PLXNA4: variants seen among roughly 807,000 people sequenced by gnomAD.
The protein encoded by PLXNA4 is plexin-A4.
A neutral mutation model predicts 191.8 loss-of-function variants in PLXNA4; 44 were observed. The observed-to-expected ratio is 0.23, with a 90% CI of 0.18 to 0.29. The LOEUF is 0.29. Among genes scored for constraint, PLXNA4 ranks in the 10% least tolerant of loss-of-function variants. PLXNA4 has a pLI of 1.00. For synonymous variants in PLXNA4, 1,082 were observed against 1,009.5 expected, an observed-to-expected ratio of 1.07 and a Z score of -1.36; for missense variants, 1,800 against 2,488.8, an observed-to-expected ratio of 0.72 and a Z score of 5.89.
intron 2 of PLXNA4, among the ~76,000 whole-genome samples, chr7:132,506,929 A>G (rs943229642): frequency 1.3e-5 from 2 of 152,260 alleles, no homozygotes; most frequent in East Asian, 1.9e-4. Context: ...TGCTTTCTCT[A>G]TGTGTTCACT....
chr7:132,164,719 G>A (rs1302019943), intron 23 of PLXNA4, among the ~76,000 whole-genome samples: 1 of 152,256 alleles, frequency 6.6e-6, no homozygotes, highest in Admixed American at 6.5e-5. Flanking sequence ...CCTCCCAGGC[G>A]CATCCTTGGC....
At chr7:132,469,136 A>C (rs868568849) in intron 3 of PLXNA4, among the ~76,000 whole-genome samples, 2 of 49,880 alleles carry the variant, frequency 4.0e-5, no homozygotes, top group African/African-American at 6.5e-5. Context: ...AAAAAAAAAA[A>C]AAAGAAAGAA....
At chr7:132,140,853 A>G (rs1446824863) in intron 29 of PLXNA4, 42 bp from the exon 30 acceptor site, 3 of 1,609,430 alleles carry the variant, frequency 1.9e-6, no homozygotes, top group Non-Finnish European at 2.5e-6. Context: ...AAGACGGGGC[A>G]GTGGGGCTGT....
At chr7:132,326,386 C>T (rs1360791905) in intron 3 of PLXNA4, among the ~76,000 whole-genome samples, 1 of 152,240 alleles carries the variant, frequency 6.6e-6, no homozygotes, top group East Asian at 1.9e-4. Context: ...CACCATCCTA[C>T]TGTTCCTGGG....
chr7:132,314,742 C>T (rs1801879773), intron 3 of PLXNA4, among the ~76,000 whole-genome samples: 1 of 152,212 alleles, frequency 6.6e-6, no homozygotes, highest in African/African-American at 2.4e-5. Flanking sequence ...ACTGGACTTC[C>T]AGCCACTTTA....
intron 2 of PLXNA4, among the ~76,000 whole-genome samples, chr7:132,593,676 C>G (rs1164082936): frequency 6.6e-6 from 1 of 152,238 alleles, no homozygotes; most frequent in Non-Finnish European, 1.5e-5. Context: ...GGCAGCAGGT[C>G]TCACTGGCTC....
At chr7:132,535,735 GC>G (rs1319055571) in intron 1 of PLXNA4, among the ~76,000 whole-genome samples, 1 of 151,768 alleles carries the variant, frequency 6.6e-6, no homozygotes, top group African/African-American at 2.4e-5. Context: ...CCCTCTGCAG[GC>G]CACACAGGCA....
intron 1 of PLXNA4, among the ~76,000 whole-genome samples, chr7:132,562,781 CT>C (rs1180618881): frequency 7.9e-6 from 1 of 126,574 alleles, no homozygotes; most frequent in Non-Finnish European, 1.6e-5. Flanking sequence ...TTTCCTCCCC[CT>C]CTTCTTTCTC....
At chr7:132,433,373 T>A (rs1201680603) in intron 3 of PLXNA4, among the ~76,000 whole-genome samples, 2 of 152,154 alleles carry the variant, frequency 1.3e-5, no homozygotes, top group African/African-American at 4.8e-5. Context: ...CAGCAAAGGC[T>A]TCAGTGCCAC....
intron 10 of PLXNA4, among the ~76,000 whole-genome samples, chr7:132,204,777 T>C (rs1868778): frequency 0.16 from 23,652 of 152,126 alleles, 2,154 homozygotes; most frequent in African/African-American, 0.25. Flanking sequence ...TAGGAGCTTC[T>C]AAAGGAGATG....
At chr7:132,544,934 G>A (rs1226902789) in intron 1 of PLXNA4, among the ~76,000 whole-genome samples, 1 of 152,230 alleles carries the variant, frequency 6.6e-6, no homozygotes, top group Non-Finnish European at 1.5e-5. Flanking sequence ...ACATTGATCT[G>A]AACTGGACCT....
chr7:132,467,971 C>T (rs2117396807), intron 3 of PLXNA4, among the ~76,000 whole-genome samples: 1 of 152,328 alleles, frequency 6.6e-6, no homozygotes, highest in South Asian at 2.1e-4. Context: ...CTGCACATGG[C>T]TCTCACACTT....
At chr7:132,394,310 G>C (rs894326609) in intron 3 of PLXNA4, among the ~76,000 whole-genome samples, 7 of 152,086 alleles carry the variant, frequency 4.6e-5, no homozygotes, top group African/African-American at 1.4e-4. Context: ...TCCCTAGGAG[G>C]GTCCCTCCTC....
intron 3 of PLXNA4, chr7:132,383,412 T>C (rs1013860153): frequency 1.6e-5 from 6 of 378,282 alleles, no homozygotes; most frequent in Middle Eastern, 1.4e-3. Flanking sequence ...TTAAAGAAAA[T>C]TAAGAAAAAA....
chr7:132,459,478 A>G (rs988916741), intron 3 of PLXNA4, among the ~76,000 whole-genome samples: 1 of 152,200 alleles, frequency 6.6e-6, no homozygotes, highest in Non-Finnish European at 1.5e-5. Context: ...TGAGCAGGCT[A>G]CAGTCAATTT....
chr7:132,219,319 A>C (rs1798068464), intron 9 of PLXNA4, among the ~76,000 whole-genome samples: 1 of 151,784 alleles, frequency 6.6e-6, no homozygotes, highest in South Asian at 2.1e-4. Flanking sequence ...CTTGACACTC[A>C]CTCTATAATC....
chr7:132,148,062 C>T, intron 26 of PLXNA4, 63 bp from the exon 27 acceptor site: 1 of 1,612,128 alleles, frequency 6.2e-7, no homozygotes, highest in Non-Finnish European at 8.5e-7. Flanking sequence ...GAAATAAGGA[C>T]AAATCATGAT....
intron 3 of PLXNA4, among the ~76,000 whole-genome samples, chr7:132,442,059 G>T (rs1162615494): frequency 6.6e-6 from 1 of 152,180 alleles, no homozygotes; most frequent in South Asian, 2.1e-4. Context: ...TTCTGAGGCT[G>T]GAGAACCACG....
At chr7:132,497,137 C>CACACACACAT (rs1798056336) in intron 2 of PLXNA4, among the ~76,000 whole-genome samples, 1 of 151,834 alleles carries the variant, frequency 6.6e-6, no homozygotes, top group African/African-American at 2.4e-5. Flanking sequence ...CACACACACA[C>CACACACACAT]ACACACATAC....
Sources: allele counts gnomAD v4.1 joint callset (sites outside exome capture counted in the v4.1 genomes callset), GRCh38; gene constraint gnomAD v4.1.1; transcripts MANE v1.5; gene names NCBI Gene and HGNC (gene_info 2026-07-23, HGNC 2026-07-21).